NKIRAS1: variants seen among roughly 807,000 people sequenced by gnomAD.
The protein encoded by NKIRAS1 is NF-kappa-B inhibitor-interacting Ras-like protein 1.
A neutral mutation model predicts 19.8 loss-of-function variants in NKIRAS1; 16 were observed. The ratio of observed to expected loss-of-function variants is 0.81; its 90% CI spans 0.55 to 1.23. The LOEUF (loss-of-function observed/expected upper bound fraction) is 1.23, where lower values mean the gene tolerates loss of function less well. Ranked by LOEUF, NKIRAS1 falls within the 50% of genes most tolerant of loss-of-function variation. The pLI, the probability that NKIRAS1 is intolerant of heterozygous loss-of-function variation, is 0.00. For missense variants in NKIRAS1, 184 were observed against 220.0 expected (o/e 0.84, Z 1.04); for synonymous variants, 88 against 79.0 (o/e 1.11, Z -0.61).
Position 23,943,047 on chromosome 3 carries a change from G to A in NKIRAS1, c.-140+3276C>T, listed in dbSNP as rs1705536348. On this transcript the variant is annotated intron_variant, in intron 1 of 4. Transcript: ENST00000421515. ...TGGGATTACAGGTGTGAGCCACTGC[G>A]CCCTGCCAGGGCTCACTCTTGACGT... 2.0e-5 allele frequency among the ~76,000 whole-genome samples: 3 copies of A among 152,248 alleles called. No homozygotes were observed. In the South Asian group the frequency reaches 6.2e-4, roughly 32 times the overall value.
chr3:23,935,379 C>CAAA lies in NKIRAS1; in HGVS notation c.-140+10941_-140+10943dup, dbSNP rs11373255. ...GTTAATGGCCAAGGTTCTGATTAGA[C>CAAA]AAAAAAAAAAAATTGATCAACGAAT... On this transcript the variant is annotated intron_variant, in intron 1 of 4. Coordinates refer to the NKIRAS1 transcript ENST00000421515. Among the ~76,000 whole-genome samples the CAAA allele has an allele frequency of 9.3e-3, 1,389 of 148,924 alleles. 9 individuals carry two copies. The highest frequency in any genetic ancestry group is 0.02 in the African/African-American group (820 of 40,720).
chr3:23,918,901 A>G, upstream of NKIRAS1: 1 of 519,222 alleles, frequency 1.9e-6, no homozygotes, highest in South Asian at 2.9e-5. Context: ...TTGTATGGAA[A>G]AAGATAAGGT....
intron 1 of NKIRAS1, among the ~76,000 whole-genome samples, chr3:23,934,968 G>T (rs1378162110): frequency 9.9e-5 from 15 of 152,072 alleles, no homozygotes; most frequent in Non-Finnish European, 2.1e-4. Flanking sequence ...AGGCTGTGAG[G>T]ATTGCTCAGC....
At chr3:23,915,296 T>G (rs186497360) in intron 1 of NKIRAS1, among the ~76,000 whole-genome samples, 1 of 152,128 alleles carries the variant, frequency 6.6e-6, no homozygotes, top group Non-Finnish European at 1.5e-5. Context: ...GCAGGCTTCA[T>G]AAGGTGGAAA....
chr3:23,894,753 C>A (rs562376849), intron 4 of NKIRAS1, among the ~76,000 whole-genome samples: 15 of 152,162 alleles, frequency 9.9e-5, no homozygotes, highest in Non-Finnish European at 1.8e-4. Context: ...CCTCCTTGTC[C>A]CTCAGTGCTA....
rs991019001 is a variant in NKIRAS1, at chr3:23,926,638, A to G, written c.-139-15188T>C. ...TTGTTGCTATAGATATTTTAATTGTATAATTACCACTTCCTTTGTCAGGGC... is the reference window on the plus strand; with the variant it reads ...TTGTTGCTATAGATATTTTAATTGTGTAATTACCACTTCCTTTGTCAGGGC... On this transcript the variant is annotated intron_variant, in intron 1 of 4. Transcript: ENST00000421515. This position sits in a 1 kb window ranked among gnomAD's most constrained non-coding sequence, Gnocchi z 4.3. Among the ~76,000 whole-genome samples the G allele has an allele frequency of 6.6e-6, 1 of 152,238 alleles. No homozygotes were observed. Among genetic ancestry groups the G allele is most frequent in the Admixed American group, 6.5e-5 (1 of 15,290 alleles).
chr3:23,940,167 CCAAAAAAAAAAA>C (rs1488602942), intron 1 of NKIRAS1, among the ~76,000 whole-genome samples: 1 of 28,924 alleles, frequency 3.5e-5, no homozygotes, highest in Non-Finnish European at 7.5e-5. Flanking sequence ...CCCATCTCTA[CCAAAAAAAAAAA>C]AAAAAAAAAA....
chr3:23,946,007 C>A, intron 1 of NKIRAS1: 1 of 686,046 alleles, frequency 1.5e-6, no homozygotes, highest in Non-Finnish European at 1.8e-6. Flanking sequence ...TTCCCCGGGG[C>A]CGCAGGGACA....
chr3:23,931,526 T>C (rs4858558), intron 1 of NKIRAS1, among the ~76,000 whole-genome samples: 95,403 of 152,052 alleles, frequency 0.63, 30,195 homozygotes, highest in Middle Eastern at 0.73. Flanking sequence ...CTTGTCTCCC[T>C]TCCCTGCTTT....
chr3:23,893,131 C>T lies in NKIRAS1; in HGVS notation c.543G>A (p.Gly181=), dbSNP rs1189280774. Reference sequence around the variant, plus strand: ...AATTAGAGTTCCCTTTGTTTTTCCTCCCAGGCAAAGGAAAGCTTGATTTGC... The same window carrying T: ...AATTAGAGTTCCCTTTGTTTTTCCTTCCAGGCAAAGGAAAGCTTGATTTGC... The part of the protein sequence containing the change: ...PQSKSSFPLP[G]RKNKGNSNSE... The change falls in exon 5 of 5, where the codon GGG becomes GGA. Residue 181 remains glycine (G), a synonymous_variant. Transcript: ENST00000425478. The T allele has an allele frequency of 6.3e-7, 1 of 1,583,830 alleles. No homozygotes were observed. The highest frequency in any genetic ancestry group is 1.9e-5 in the Admixed American group (1 of 52,828).
intron 3 of NKIRAS1, among the ~76,000 whole-genome samples, chr3:23,903,504 GA>G (rs763517074): frequency 7.9e-5 from 12 of 151,782 alleles, no homozygotes; most frequent in Admixed American, 5.3e-4. Flanking sequence ...CCGCTACAGA[GA>G]AACCAACTAT....
At chr3:23,918,343 T>C (rs1416595982), upstream of NKIRAS1, 3 of 1,365,828 alleles carry the variant, frequency 2.2e-6, no homozygotes, top group African/African-American at 4.4e-5. Context: ...TAACTTACTG[T>C]TGAAGTATTT....
upstream of NKIRAS1, chr3:23,920,516 TTC>T: frequency 1.0e-5 from 10 of 985,270 alleles, no homozygotes; most frequent in Non-Finnish European, 1.1e-5. Context: ...CACATTGCAT[TTC>T]TGTTTGCACC....
intron 1 of NKIRAS1, among the ~76,000 whole-genome samples, chr3:23,939,908 C>T (rs527616294): frequency 1.3e-5 from 2 of 152,238 alleles, no homozygotes; most frequent in South Asian, 4.1e-4. Flanking sequence ...TTCAGGAAGA[C>T]GAAGAAAGCC....
At chr3:23,907,560 C>G (rs1703200391) in intron 3 of NKIRAS1, among the ~76,000 whole-genome samples, 1 of 152,206 alleles carries the variant, frequency 6.6e-6, no homozygotes, top group South Asian at 2.1e-4. Context: ...GCATTTTCCA[C>G]TGTGTTGATA....
At chr3:23,929,024 GAAAAGA>G (rs1157700987) in intron 1 of NKIRAS1, among the ~76,000 whole-genome samples, 5 of 147,904 alleles carry the variant, frequency 3.4e-5, no homozygotes, top group African/African-American at 7.4e-5. Flanking sequence ...GAAAAGAAAA[GAAAAGA>G]AAATATATTT....
At chr3:23,919,083 G>T, upstream of NKIRAS1, 1 of 701,630 alleles carries the variant, frequency 1.4e-6, no homozygotes, top group Non-Finnish European at 2.5e-6. Flanking sequence ...AATAACTTGA[G>T]TAGTAAAAGA....
At chr3:23,946,146 C>G (rs1314929559) in intron 1 of NKIRAS1, 1 of 985,198 alleles carries the variant, frequency 1.0e-6, no homozygotes, top group Non-Finnish European at 1.2e-6. Flanking sequence ...GGGTTGCACA[C>G]TGCGGAGGAG....
chr3:23,921,472 ACTTTATTAGCTATACC>A, upstream of NKIRAS1: 1 of 627,356 alleles, frequency 1.6e-6, no homozygotes, highest in South Asian at 1.9e-5. Context: ...ATTAAGGGTC[ACTTTATTAGCTATACC>A]CTGACCGCCC....
Sources: allele counts gnomAD v4.1 joint callset (sites outside exome capture counted in the v4.1 genomes callset), GRCh38; gene constraint gnomAD v4.1.1; non-coding constraint Gnocchi (gnomAD v3.1); transcripts MANE v1.5; gene names NCBI Gene and HGNC (gene_info 2026-07-23, HGNC 2026-07-21).